Variants in CCDC6 observed in about 807,000 individuals in gnomAD.
CCDC6 encodes the protein coiled-coil domain-containing protein 6.
In CCDC6, 20 loss-of-function variants were observed where a neutral mutation model predicts 56.6. The ratio of observed to expected loss-of-function variants is 0.35; its 90% CI spans 0.25 to 0.51. CCDC6 has a LOEUF of 0.51. CCDC6 is among the 20% of genes least tolerant of loss of function. The pLI, the probability that CCDC6 is intolerant of heterozygous loss-of-function variation, is 0.95. For missense variants in CCDC6, 367 were observed against 601.1 expected, an observed-to-expected ratio of 0.61 and a Z score of 4.07; for synonymous variants, 241 against 234.4, an observed-to-expected ratio of 1.03 and a Z score of -0.26.
intron 1 of CCDC6, among the ~76,000 whole-genome samples, chr10:59,861,995 C>G (rs145874259): frequency 1.3e-3 from 203 of 152,226 alleles, no homozygotes; most frequent in African/African-American, 3.6e-3. Context: ...TTCAAAAGAA[C>G]AGAAAACAGA....
At chr10:59,837,854 TC>T (rs748711859) in intron 2 of CCDC6, among the ~76,000 whole-genome samples, 1 of 147,692 alleles carries the variant, frequency 6.8e-6, no homozygotes, top group Non-Finnish European at 1.5e-5. Context: ...ACAACTAACA[TC>T]CCTGGTTTAT....
intron 2 of CCDC6, among the ~76,000 whole-genome samples, chr10:59,840,232 T>A (rs1182425345): frequency 6.6e-6 from 1 of 152,206 alleles, no homozygotes; most frequent in Non-Finnish European, 1.5e-5. Context: ...CACTGGGTCA[T>A]AGAGAATAAG....
chr10:59,827,080 G>C (rs1205723419), intron 3 of CCDC6, among the ~76,000 whole-genome samples: 1 of 152,158 alleles, frequency 6.6e-6, no homozygotes, highest in Non-Finnish European at 1.5e-5. Context: ...TAACTGACTG[G>C]AGGAGGGACG....
intron 2 of CCDC6, among the ~76,000 whole-genome samples, chr10:59,834,569 G>GA (rs11432454): frequency 0.22 from 26,487 of 121,058 alleles, 3,350 homozygotes; most frequent in African/African-American, 0.41. Flanking sequence ...TCTCAAAAAA[G>GA]AAAAAAAAAA....
rs368083092 is a variant in CCDC6 at position 59,817,781 on chromosome 10, T to C, written c.583-3026A>G. On this transcript the variant is annotated intron_variant, in intron 3 of 8. Coordinates refer to ENST00000263102, the MANE Select transcript of CCDC6 (RefSeq NM_005436.5). ...GGTCACTCAGCTGCTGTAGCTCCGA[T>C]GCCCTCATCTATGAAATGAGAAGTT... is the stretch of plus-strand genomic sequence containing the variant. Among the ~76,000 whole-genome samples the C allele has an allele frequency of 5.3e-5, 8 of 152,330 alleles. No homozygotes were observed. The East Asian group carries it at 1.5e-3, about 29-fold the overall frequency.
At chr10:59,823,176 T>C (rs1162039073) in intron 3 of CCDC6, among the ~76,000 whole-genome samples, 1 of 152,172 alleles carries the variant, frequency 6.6e-6, no homozygotes, top group East Asian at 1.9e-4. Context: ...GCTCAGGAGC[T>C]ATGAGTGCAG....
chr10:59,824,387 T>C (rs985184158), intron 3 of CCDC6, among the ~76,000 whole-genome samples: 1 of 152,192 alleles, frequency 6.6e-6, no homozygotes, highest in African/African-American at 2.4e-5. Flanking sequence ...CCTAGTTTTC[T>C]CACTTCCAAG....
intron 1 of CCDC6, among the ~76,000 whole-genome samples, chr10:59,868,671 C>T (rs2071199048): frequency 6.6e-6 from 1 of 152,292 alleles, no homozygotes; most frequent in East Asian, 1.9e-4. Flanking sequence ...GCTCACTGTG[C>T]CTAAGCGTTA....
chr10:59,861,637 G>T (rs1589052888), intron 1 of CCDC6, among the ~76,000 whole-genome samples: 1 of 152,080 alleles, frequency 6.6e-6, no homozygotes, highest in African/African-American at 2.4e-5. Context: ...GAAACCAGAA[G>T]AGTTAAATGG....
At chr10:59,899,690 A>G (rs1187652865) in intron 1 of CCDC6, among the ~76,000 whole-genome samples, 2 of 152,318 alleles carry the variant, frequency 1.3e-5, no homozygotes, top group East Asian at 3.9e-4. Context: ...TGCCACCATC[A>G]CCAAAACCAA....
intron 2 of CCDC6, among the ~76,000 whole-genome samples, chr10:59,849,033 T>C (rs1405884216): frequency 2.6e-5 from 4 of 152,236 alleles, no homozygotes; most frequent in Non-Finnish European, 5.9e-5. Context: ...AAAATTCTGA[T>C]AATTTTGCTC....
intron 1 of CCDC6, among the ~76,000 whole-genome samples, chr10:59,876,615 C>T (rs2071283987): frequency 6.8e-6 from 1 of 146,512 alleles, no homozygotes; most frequent in South Asian, 2.2e-4. Context: ...AAAAAGCTAT[C>T]CAAAAGTAGC....
At chr10:59,805,333 AGT>A (rs2070611631) in intron 6 of CCDC6, 1 of 152,228 alleles carries the variant, frequency 6.6e-6, no homozygotes. Flanking sequence ...TGGTCTCTTA[AGT>A]GCCGGACAAT....
intron 7 of CCDC6, among the ~76,000 whole-genome samples, chr10:59,802,677 C>A (rs577764980): frequency 1.3e-5 from 2 of 152,304 alleles, no homozygotes; most frequent in African/African-American, 4.8e-5. Flanking sequence ...TCTATCCAAG[C>A]AAGCCCCACA....
chr10:59,852,803 C>A, intron 1 of CCDC6, 101 bp from the exon 2 acceptor site: 1 of 946,594 alleles, frequency 1.1e-6, no homozygotes. Flanking sequence ...AAAGGGTACC[C>A]ATTTTAAATA....
intron 1 of CCDC6, among the ~76,000 whole-genome samples, chr10:59,867,788 G>A (rs997991162): frequency 1.3e-5 from 2 of 151,998 alleles, no homozygotes; most frequent in Non-Finnish European, 2.9e-5. Context: ...GGCTGGTCTC[G>A]AACTCCCGGG....
At chr10:59,897,758 G>T (rs2071474742) in intron 1 of CCDC6, among the ~76,000 whole-genome samples, 1 of 152,158 alleles carries the variant, frequency 6.6e-6, no homozygotes, top group Non-Finnish European at 1.5e-5. Context: ...TTTAACACAG[G>T]TAACTAGATT....
At chr10:59,859,199 CGTGT>C (rs66648240) in intron 1 of CCDC6, among the ~76,000 whole-genome samples, 7,592 of 136,928 alleles carry the variant, frequency 0.055, 264 homozygotes, top group African/African-American at 0.094. Flanking sequence ...CATGTGTGTG[CGTGT>C]GTGTGTGTGT....
At position 59,871,446 on chromosome 10, in the gene CCDC6, A is replaced by G. The variant is rs867408187; in HGVS notation, c.304-18744T>C. 4.9e-5 allele frequency among the ~76,000 whole-genome samples: 7 copies of G among 142,026 alleles called. No homozygotes were observed. The South Asian group carries it at 1.4e-3, about 27-fold the overall frequency. 93.2% of individuals were successfully genotyped at this position (142,026 alleles called of 152,430 possible). A position where few individuals can be genotyped will look rare whatever the true frequency, so the allele number is the denominator to read the frequency against. ...TCCCAAAGCTCAACATCAAGATTTCACTGGCATCACCTAATACTCATTAAA... is the reference window on the plus strand; with the variant it reads ...TCCCAAAGCTCAACATCAAGATTTCGCTGGCATCACCTAATACTCATTAAA... On this transcript the variant is annotated intron_variant, in intron 1 of 8. Coordinates refer to ENST00000263102, the MANE Select transcript of CCDC6 (RefSeq NM_005436.5).
Sources: gnomAD v4.1 joint callset for allele counts (sites outside exome capture counted in the v4.1 genomes callset) on GRCh38, gnomAD v4.1.1 for gene constraint, MANE v1.5 for transcripts, NCBI Gene and HGNC (gene_info 2026-07-23, HGNC 2026-07-21) for gene names.